The following LRRC4C variants were observed in gnomAD, a reference collection of about 807,000 sequenced individuals.
LRRC4C encodes the protein leucine-rich repeat-containing protein 4C.
In LRRC4C, 5 loss-of-function variants were observed where a neutral mutation model predicts 33.6. That is an observed-to-expected ratio of 0.15 (90% CI 0.08 to 0.31). The LOEUF (loss-of-function observed/expected upper bound fraction) is 0.31. Ranked by LOEUF, LRRC4C falls within the 10% of genes least tolerant of loss-of-function variation. The pLI, the probability that LRRC4C is intolerant of heterozygous loss-of-function variation, is 1.00. For missense variants in LRRC4C, 560 were observed against 796.7 expected, an observed-to-expected ratio of 0.70 and a Z score of 3.58; for synonymous variants, 329 against 302.0, an observed-to-expected ratio of 1.09 and a Z score of -0.93.
At chr11:40,144,057 A>G (rs1276106870) in intron 5 of LRRC4C, among the ~76,000 whole-genome samples, 2 of 152,164 alleles carry the variant, frequency 1.3e-5, no homozygotes, top group Non-Finnish European at 1.5e-5. Context: ...ATCATCAGAG[A>G]TAGTCATTTT....
chr11:41,304,504 G>A (rs1950408191), intron 1 of LRRC4C, among the ~76,000 whole-genome samples: 1 of 112,024 alleles, frequency 8.9e-6, no homozygotes, highest in Admixed American at 8.3e-5. Flanking sequence ...CCGGCCAGCC[G>A]CCCCGTCCGG....
intron 2 of LRRC4C, among the ~76,000 whole-genome samples, chr11:40,649,588 G>A (rs1016853734): frequency 1.3e-5 from 2 of 152,272 alleles, no homozygotes; most frequent in South Asian, 4.1e-4. Flanking sequence ...AGTTAACACA[G>A]TAGTGGTCCT....
At chr11:40,177,277 T>G (rs558658479) in intron 5 of LRRC4C, among the ~76,000 whole-genome samples, 3 of 152,250 alleles carry the variant, frequency 2.0e-5, no homozygotes, top group African/African-American at 7.2e-5. Context: ...TTCAACAAAA[T>G]GATGAGGATA....
chr11:41,358,776 A>G (rs932698900), intron 1 of LRRC4C, among the ~76,000 whole-genome samples: 1 of 152,178 alleles, frequency 6.6e-6, no homozygotes, highest in African/African-American at 2.4e-5. Context: ...TCATTAATTG[A>G]TGGTGGAAGT....
At chr11:40,588,023 A>G (rs1375783579) in intron 3 of LRRC4C, among the ~76,000 whole-genome samples, 11 of 151,614 alleles carry the variant, frequency 7.3e-5, no homozygotes, top group Non-Finnish European at 1.5e-4. Context: ...TTCTTTTTCT[A>G]TTGATTGGAA....
At chr11:41,181,688 G>A (rs1009875746) in intron 1 of LRRC4C, among the ~76,000 whole-genome samples, 5 of 152,150 alleles carry the variant, frequency 3.3e-5, no homozygotes, top group Admixed American at 2.6e-4. Context: ...CAGCAGCTCA[G>A]TTTGAGCCTT....
At chr11:41,454,187 G>A (rs1464096838) in intron 1 of LRRC4C, among the ~76,000 whole-genome samples, 1 of 152,088 alleles carries the variant, frequency 6.6e-6, no homozygotes, top group Non-Finnish European at 1.5e-5. Context: ...AGCAGAATTG[G>A]ACTCATCACT....
At chr11:41,183,113 T>C (rs1197256771) in intron 1 of LRRC4C, among the ~76,000 whole-genome samples, 1 of 152,076 alleles carries the variant, frequency 6.6e-6, no homozygotes, top group African/African-American at 2.4e-5. Context: ...TCGTGGGAAT[T>C]GTGAGTTACA....
intron 3 of LRRC4C, among the ~76,000 whole-genome samples, chr11:40,328,370 T>C (rs893193444): frequency 6.6e-6 from 1 of 152,134 alleles, no homozygotes; most frequent in Non-Finnish European, 1.5e-5. Context: ...TAAAAAGAAA[T>C]CAAGAGATGA....
intron 3 of LRRC4C, among the ~76,000 whole-genome samples, chr11:40,609,105 T>C (rs1236602751): frequency 1.3e-5 from 2 of 152,066 alleles, no homozygotes; most frequent in Non-Finnish European, 2.9e-5. Flanking sequence ...CACCCAACGG[T>C]AGCAGAATAC....
chr11:40,844,726 G>A (rs1046790551), intron 2 of LRRC4C, among the ~76,000 whole-genome samples: 1 of 152,204 alleles, frequency 6.6e-6, no homozygotes, highest in African/African-American at 2.4e-5. Context: ...AGTAATTGGT[G>A]TAATGTGTCT....
At chr11:40,276,429 G>A (rs1565218446) in intron 4 of LRRC4C, among the ~76,000 whole-genome samples, 1 of 152,100 alleles carries the variant, frequency 6.6e-6, no homozygotes, top group Non-Finnish European at 1.5e-5. Flanking sequence ...AGGCACAACT[G>A]ATATTAAAGC....
intron 2 of LRRC4C, among the ~76,000 whole-genome samples, chr11:40,871,211 C>T (rs1212974280): frequency 2.0e-5 from 3 of 152,106 alleles, no homozygotes; most frequent in Non-Finnish European, 2.9e-5. Flanking sequence ...AATTTTGCCC[C>T]TGTCCTGTGG....
intron 2 of LRRC4C, among the ~76,000 whole-genome samples, chr11:40,821,386 C>A (rs368331435): frequency 2.0e-5 from 3 of 151,378 alleles, no homozygotes; most frequent in Non-Finnish European, 4.4e-5. Flanking sequence ...TATCAGATTT[C>A]GGAATTTAAT....
At chr11:41,002,556 C>T (rs147859135) in intron 1 of LRRC4C, among the ~76,000 whole-genome samples, 1 of 152,164 alleles carries the variant, frequency 6.6e-6, no homozygotes, top group African/African-American at 2.4e-5. Flanking sequence ...CTTCTCATTA[C>T]ATGGTAGGTA....
At chr11:41,125,278 G>A (rs1002469878) in intron 1 of LRRC4C, among the ~76,000 whole-genome samples, 1 of 77,040 alleles carries the variant, frequency 1.3e-5, no homozygotes. Context: ...GTCATGAAAT[G>A]AAAATAACAT....
At chr11:41,223,492 A>G (rs1288115638) in intron 1 of LRRC4C, among the ~76,000 whole-genome samples, 1 of 152,132 alleles carries the variant, frequency 6.6e-6, no homozygotes, top group East Asian at 1.9e-4. Flanking sequence ...CCTTTATTCA[A>G]CAGTTACATA....
intron 1 of LRRC4C, among the ~76,000 whole-genome samples, chr11:41,168,953 T>C (rs1262685535): frequency 2.6e-5 from 4 of 152,178 alleles, no homozygotes; most frequent in Non-Finnish European, 4.4e-5. Context: ...GAGATTTACA[T>C]ACATAATCGC....
chr11:40,984,606 G>C (rs983767081), intron 1 of LRRC4C, among the ~76,000 whole-genome samples: 1 of 152,106 alleles, frequency 6.6e-6, no homozygotes, highest in African/African-American at 2.4e-5. Context: ...ATCTGGATTA[G>C]TTGCCACGAT....
Sources: allele counts gnomAD v4.1 joint callset (sites outside exome capture counted in the v4.1 genomes callset), GRCh38; gene constraint gnomAD v4.1.1; transcripts MANE v1.5; gene names NCBI Gene and HGNC (gene_info 2026-07-23, HGNC 2026-07-21).